SSBP4: variants seen among roughly 807,000 people sequenced by gnomAD.
SSBP4 encodes single-stranded DNA-binding protein 4.
A neutral mutation model predicts 64.6 loss-of-function variants in SSBP4; 33 were observed. That is an observed-to-expected ratio of 0.51 (90% CI 0.39 to 0.68). The LOEUF is 0.68. SSBP4 is among the 30% of genes least tolerant of loss of function. SSBP4 has a pLI of 0.00. For missense variants in SSBP4, 583 were observed against 566.8 expected, an observed-to-expected ratio of 1.03 and a Z score of -0.29; for synonymous variants, 243 against 224.0, an observed-to-expected ratio of 1.08 and a Z score of -0.76.
intron 1 of SSBP4, 152 bp downstream of exon 1, chr19:18,419,859 C>T (rs1197599937): frequency 4.6e-5 from 14 of 302,296 alleles, no homozygotes; most frequent in African/African-American, 1.2e-4. Context: ...GGGCGCGCGA[C>T]CCCCGAGGGG....
chr19:18,431,456 TCCCCTCCCCCAGCGCCGC>T, intron 6 of SSBP4, 38 bp downstream of exon 6: 1 of 1,116,118 alleles, frequency 9.0e-7, no homozygotes, highest in Non-Finnish European at 1.3e-6. Flanking sequence ...CACACACACA[TCCCCTCCCCCAGCGCCGC>T]CCCCTCCCAC....
intron 4 of SSBP4, among the ~76,000 whole-genome samples, chr19:18,429,513 A>G (rs1973167975): frequency 6.6e-6 from 1 of 151,336 alleles, no homozygotes. Context: ...GGAAACGCTC[A>G]GGCACCCGCT....
At chr19:18,403,043 G>T in the SSBP4 span, among the ~76,000 whole-genome samples, 19 of 152,252 alleles carry the variant, frequency 1.2e-4, no homozygotes. Context: ...GAGAAAAACC[G>T]CCCTATGGCG....
intron 17 of SSBP4, 25 bp downstream of exon 17, chr19:18,433,842 C>T (rs1401628248): frequency 1.7e-5 from 23 of 1,358,896 alleles, no homozygotes; most frequent in South Asian, 4.7e-5. Context: ...CGACTCCCCC[C>T]CCGCGGCGGC....
At chr19:18,420,317 A>C (rs1972353359) in intron 1 of SSBP4, among the ~76,000 whole-genome samples, 1 of 152,018 alleles carries the variant, frequency 6.6e-6, no homozygotes, top group South Asian at 2.1e-4. Flanking sequence ...CGCTCTCTTG[A>C]TACCACTGAA....
In SSBP4 at chr19:18,432,851, C is replaced by T. The variant is rs747981452; in HGVS notation, c.809C>T (p.Pro270Leu). The change falls in exon 13 of 18, where the codon CCC (proline) becomes CTC (leucine). Residue 270 changes from proline (P) to leucine (L), a missense_variant. Around this residue, in one of 5 missense-constraint regions of SSBP4, gnomAD observed 444 missense variants for 386.6 expected, o/e 1.15. Coordinates refer to ENST00000270061, the MANE Select transcript of SSBP4 (RefSeq NM_032627.5). Reference protein sequence around the residue: ...SYTGPPGGGGPPGTPIMPSPG... With the variant: ...SYTGPPGGGGLPGTPIMPSPG... ...CAGGGACCCCCAGGAGGAGGTGGGC[C>T]CCCTGGAACACCCATCATGCCTAGC... 3 of 1,613,926 alleles carry T rather than the reference C, an allele frequency of 1.9e-6. No individual in the cohort carries two copies. Among genetic ancestry groups the T allele is most frequent in the Non-Finnish European group, 2.5e-6 (3 of 1,179,940 alleles).
chr19:18,404,366 G>C, the SSBP4 span, among the ~76,000 whole-genome samples: 1 of 152,152 alleles, frequency 6.6e-6, no homozygotes, highest in African/African-American at 2.4e-5. Context: ...GGCTGAGGCA[G>C]GTGGATCACC....
At chr19:18,431,891 C>T (rs10408290) in intron 8 of SSBP4, 29 bp downstream of exon 8, 566,845 of 1,562,064 alleles carry the variant, frequency 0.36, 107,309 homozygotes, top group African/African-American at 0.65. Flanking sequence ...GCCCCTATCC[C>T]GCCATCAATC....
Position 18,433,792 on chromosome 19 carries a change from T to G in SSBP4, c.1103T>G (p.Phe368Cys), listed in dbSNP as rs773562441. The G allele has an allele frequency of 5.7e-6, 8 of 1,405,690 alleles. No individual in the cohort carries two copies. In the South Asian group the frequency reaches 1.1e-4, roughly 19 times the overall value. The allele number at this position is 1,405,690 out of a possible 1,614,324, so 87.1% of individuals were successfully genotyped here. ...GGCGAGATGGCGGCCGCCGGGACCTTCCTGCACCCGTTCCCGAGCGAAAGC... is the reference window on the plus strand; with the variant it reads ...GGCGAGATGGCGGCCGCCGGGACCTGCCTGCACCCGTTCCCGAGCGAAAGC... ...DDGEMAAAGT[F>C]LHPFPSESYS... is the part of the protein sequence containing the mutation. The change falls in exon 17 of 18, where the codon TTC becomes TGC. Residue 368 changes from phenylalanine to cysteine, a missense_variant. Phe to Cys is a radical substitution (Grantham distance 205, BLOSUM62 -2). Around this residue, in one of 5 missense-constraint regions of SSBP4, gnomAD observed 31 missense variants for 58.5 expected, o/e 0.53. Transcript: ENST00000270061.
Position 18,433,488 on chromosome 19 carries a change from C to T in SSBP4, c.992-97C>T, listed in dbSNP as rs543050932. On this transcript the variant is annotated intron_variant, in intron 15 of 17. Transcript: ENST00000270061. ...CGGGCTGTGCGGGGCGGGGGCGCGT[C>T]GGCGGGGGCAGCTTGCGAGGGTCGT... The T allele has an allele frequency of 6.3e-4, 582 of 919,928 alleles. 1 individual carries two copies. In the African/African-American group the frequency reaches 0.02, roughly 31 times the overall value. The allele number at this position is 919,928 out of a possible 1,614,324, so 57.0% of individuals were successfully genotyped here.
the SSBP4 span, among the ~76,000 whole-genome samples, chr19:18,409,345 A>G: frequency 4.6e-5 from 7 of 151,798 alleles, no homozygotes; most frequent in African/African-American, 1.5e-4. Context: ...CGCCACGTCA[A>G]TTGGCTAATT....
chr19:18,431,322 C>G (rs779221724), intron 5 of SSBP4, 31 bp from the exon 6 acceptor site: 23 of 608,028 alleles, frequency 3.8e-5, no homozygotes, highest in Non-Finnish European at 8.9e-6. Context: ...GGGCCTCACT[C>G]CCCCCCACCC....
chr19:18,416,937 C>T (rs566353088), upstream of SSBP4, among the ~76,000 whole-genome samples: 13 of 152,374 alleles, frequency 8.5e-5, no homozygotes, highest in Non-Finnish European at 1.5e-4. Context: ...TGCCCTCGCA[C>T]TTTTCCGCCA....
intron 1 of SSBP4, among the ~76,000 whole-genome samples, chr19:18,425,218 C>T (rs1289356928): frequency 6.6e-6 from 1 of 152,048 alleles, no homozygotes; most frequent in Non-Finnish European, 1.5e-5. Context: ...CTTCAGGAGT[C>T]CCCCTGGGCC....
Position 18,433,420 on chromosome 19 carries a change from C to G in SSBP4, c.992-165C>G, listed in dbSNP as rs920588579. On this transcript the variant is annotated intron_variant, in intron 15 of 17. Transcript: ENST00000270061. ...AGGATGCACTGACCGCCCCTCCCCC[C>G]CAGGCCCAACCCTCCACCTGGCCTC... 6.7e-6 allele frequency: 9 copies of G among 1,344,752 alleles called. No homozygotes were observed. The African/African-American group carries it at 8.7e-5, about 13-fold the overall frequency. The allele number at this position is 1,344,752 out of a possible 1,614,324, so 83.3% of individuals were successfully genotyped here.
At chr19:18,432,666 C>A in intron 11 of SSBP4, 34 bp from the exon 12 acceptor site, 1 of 1,557,942 alleles carries the variant, frequency 6.4e-7, no homozygotes, top group East Asian at 2.3e-5. Flanking sequence ...GGTGAGCCGC[C>A]TGGCTGACTG....
At chr19:18,419,761 G>C in intron 1 of SSBP4, 54 bp downstream of exon 1, 1 of 1,098,376 alleles carries the variant, frequency 9.1e-7, no homozygotes, top group Non-Finnish European at 1.1e-6. Flanking sequence ...CGTGGGCTCC[G>C]GCGCGGGCGG....
chr19:18,431,002 A>G, intron 5 of SSBP4, 72 bp downstream of exon 5: 1 of 1,537,176 alleles, frequency 6.5e-7, no homozygotes, highest in Non-Finnish European at 8.8e-7. Context: ...GGGGGGTCCC[A>G]CGTGGGCAGA....
intron 15 of SSBP4, 142 bp from the exon 16 acceptor site, chr19:18,433,443 C>T (rs879400888): frequency 3.5e-6 from 5 of 1,434,704 alleles, no homozygotes; most frequent in Non-Finnish European, 4.7e-6. Context: ...TCCACCTGGC[C>T]TCAGTCCCGG....
Sources: allele counts gnomAD v4.1 joint callset (sites outside exome capture counted in the v4.1 genomes callset), GRCh38; gene constraint gnomAD v4.1.1; regional missense constraint gnomAD v4.1.1; transcripts MANE v1.5; gene names NCBI Gene and HGNC (gene_info 2026-07-23, HGNC 2026-07-21).